Variants in DNM3 observed in about 807,000 individuals in gnomAD.
The protein encoded by DNM3 is dynamin-3.
Under a neutral mutation model 101.6 loss-of-function variants are expected in DNM3, and 47 were observed. The ratio of observed to expected loss-of-function variants is 0.46; its 90% CI spans 0.37 to 0.59. DNM3 has a LOEUF of 0.59. Ranked by LOEUF, DNM3 falls within the 20% of genes least tolerant of loss-of-function variation. The pLI is 0.00. For synonymous variants in DNM3, 385 were observed against 387.9 expected (o/e 0.99, Z 0.09); for missense variants, 849 against 1,085.7 (o/e 0.78, Z 3.06).
chr1:172,277,303 G>A (rs550435154), intron 15 of DNM3, among the ~76,000 whole-genome samples: 3 of 152,124 alleles, frequency 2.0e-5, no homozygotes, highest in Admixed American at 6.6e-5. Context: ...TGCAGATCAG[G>A]CTCACTTGGG....
rs1340433296 is a variant in DNM3 at position 172,248,127 on chromosome 1, A to T, written c.1660-5446A>T. ...TATATTGGATTACCACAGTACATTT[A>T]TGTGTTAAAGGTTTGTATGAATCAA... On this transcript the variant is annotated intron_variant, in intron 14 of 20. Coordinates refer to ENST00000627582, the MANE Select transcript of DNM3 (RefSeq NM_015569.5). Among the ~76,000 whole-genome samples, 68 of 152,060 alleles carry T rather than the reference A, an allele frequency of 4.5e-4. 1 individual carries two copies. Among genetic ancestry groups the T allele is most frequent in the Non-Finnish European group, 4.4e-5 (3 of 68,012 alleles).
At chr1:172,349,567 G>A (rs946930358) in intron 17 of DNM3, among the ~76,000 whole-genome samples, 3 of 152,080 alleles carry the variant, frequency 2.0e-5, no homozygotes, top group Non-Finnish European at 4.4e-5. Context: ...TTTAGCATAT[G>A]TTAATAAGAA....
chr1:171,916,705 G>T (rs1289750256), intron 1 of DNM3, among the ~76,000 whole-genome samples: 1 of 152,102 alleles, frequency 6.6e-6, no homozygotes, highest in African/African-American at 2.4e-5. Flanking sequence ...AATCCCCAGT[G>T]ATTATTCTGA....
At chr1:171,951,164 A>T (rs1177551688) in intron 2 of DNM3, among the ~76,000 whole-genome samples, 2 of 152,218 alleles carry the variant, frequency 1.3e-5, no homozygotes, top group Non-Finnish European at 2.9e-5. Context: ...TACTTCAAAT[A>T]ATAAAACCTG....
chr1:172,302,362 G>A (rs2064504593), intron 15 of DNM3, among the ~76,000 whole-genome samples: 1 of 152,226 alleles, frequency 6.6e-6, no homozygotes. Context: ...AAACAGAGCA[G>A]CTGGGAAGCT....
At position 172,410,407 on chromosome 1, in the gene DNM3, G is replaced by A. The variant is rs915508217; in HGVS notation, c.*2566G>A. On this transcript the variant is annotated 3_prime_UTR_variant, in exon 21 of 21. Coordinates refer to ENST00000627582, the MANE Select transcript of DNM3 (RefSeq NM_015569.5). ...TTGCTCTGATATTGTAAACACAATA[G>A]ATGTAGCTCTATCATGTCTAGCATA... The A allele has an allele frequency of 2.0e-6, 2 of 984,224 alleles. No homozygotes were observed. The highest frequency in any genetic ancestry group is 2.4e-6 in the Non-Finnish European group (2 of 828,954). 61.0% of individuals were successfully genotyped at this position (984,224 alleles called of 1,614,324 possible). A position where few individuals can be genotyped will look rare whatever the true frequency, so the allele number is the denominator to read the frequency against.
intron 14 of DNM3, among the ~76,000 whole-genome samples, chr1:172,159,311 C>T (rs1290885720): frequency 6.6e-6 from 1 of 151,908 alleles, no homozygotes; most frequent in Non-Finnish European, 1.5e-5. Flanking sequence ...GTATTATCTT[C>T]AGAAAAAGCA....
chr1:172,366,051 A>C (rs569124601), intron 17 of DNM3, among the ~76,000 whole-genome samples: 1 of 151,778 alleles, frequency 6.6e-6, no homozygotes, highest in Non-Finnish European at 1.5e-5. Context: ...GCAACATCAC[A>C]AGACCTTGTC....
intron 1 of DNM3, among the ~76,000 whole-genome samples, chr1:171,878,365 A>T (rs2035963086): frequency 6.9e-6 from 1 of 144,934 alleles, no homozygotes; most frequent in African/African-American, 2.6e-5. Context: ...GACAGAAAAT[A>T]TTAAAATTCC....
At chr1:172,177,410 A>G (rs1364818587) in intron 14 of DNM3, among the ~76,000 whole-genome samples, 1 of 151,880 alleles carries the variant, frequency 6.6e-6, no homozygotes, top group African/African-American at 2.4e-5. Flanking sequence ...GTATGGGAAA[A>G]AAGACATGGT....
At position 172,388,755 on chromosome 1, in the gene DNM3, G is replaced by C. The variant is rs748440636; in HGVS notation, c.2468G>C (p.Gly823Ala). 2.2e-5 allele frequency: 35 copies of C among 1,610,110 alleles called. No individual in the cohort carries two copies. The highest frequency in any genetic ancestry group is 3.0e-5 in the Non-Finnish European group (35 of 1,178,222). ...PPFPSSSDSFGAPPQVPSRPT... is the reference protein window; with the variant it reads ...PPFPSSSDSFAAPPQVPSRPT... Reference sequence around the variant, plus strand: ...TTCCCCAGCAGCAGTGACTCCTTCGGAGCCCCTCCACAAGTTCCATCTAGG... The same window carrying C: ...TTCCCCAGCAGCAGTGACTCCTTCGCAGCCCCTCCACAAGTTCCATCTAGG... The change falls in exon 20 of 21, where the codon GGA becomes GCA. Residue 823 changes from glycine (G) to alanine (A), a missense_variant. Transcript: ENST00000627582.
intron 14 of DNM3, among the ~76,000 whole-genome samples, chr1:172,145,319 T>G (rs2057822875): frequency 6.6e-6 from 1 of 150,432 alleles, no homozygotes; most frequent in African/African-American, 2.5e-5. Flanking sequence ...TCTGTCTGTC[T>G]GTCTGTCTCT....
chr1:172,015,951 G>A (rs553478563), intron 4 of DNM3, among the ~76,000 whole-genome samples: 1 of 151,948 alleles, frequency 6.6e-6, no homozygotes, highest in Admixed American at 6.6e-5. Flanking sequence ...CAAGGTGGGT[G>A]GATCACCTGA....
chr1:172,112,594 A>G (rs1411579784), intron 13 of DNM3, among the ~76,000 whole-genome samples: 2 of 152,134 alleles, frequency 1.3e-5, no homozygotes, highest in African/African-American at 4.8e-5. Flanking sequence ...AACATAACCA[A>G]TTCCTGAATG....
chr1:171,884,606 A>G (rs1435621242), intron 1 of DNM3, among the ~76,000 whole-genome samples: 1 of 152,178 alleles, frequency 6.6e-6, no homozygotes, highest in Non-Finnish European at 1.5e-5. Flanking sequence ...GTCTGGGCTC[A>G]GTAGGGCTCA....
intron 1 of DNM3, among the ~76,000 whole-genome samples, chr1:171,873,236 T>C (rs546235771): frequency 1.3e-5 from 2 of 152,044 alleles, no homozygotes; most frequent in Non-Finnish European, 2.9e-5. Flanking sequence ...TGTTGAAGAG[T>C]TCCTTTAGTG....
At chr1:172,337,995 C>T (rs2066522552) in intron 17 of DNM3, among the ~76,000 whole-genome samples, 1 of 151,306 alleles carries the variant, frequency 6.6e-6, no homozygotes, top group Non-Finnish European at 1.5e-5. Flanking sequence ...TGGCTCACTG[C>T]AACCTCCACC....
downstream of DNM3, among the ~76,000 whole-genome samples, chr1:172,416,792 AACACCAGGGAT>A (rs1558116378): frequency 6.6e-6 from 1 of 152,150 alleles, no homozygotes; most frequent in African/African-American, 2.4e-5. Context: ...TCTTCATGAA[AACACCAGGGAT>A]ACCCATTACC....
intron 13 of DNM3, among the ~76,000 whole-genome samples, chr1:172,095,743 A>G (rs2054202831): frequency 6.6e-6 from 1 of 152,174 alleles, no homozygotes; most frequent in East Asian, 1.9e-4. Context: ...CTGTTCTGAA[A>G]TATTTTAGAA....
Sources: gnomAD v4.1 joint callset for allele counts (sites outside exome capture counted in the v4.1 genomes callset) on GRCh38, gnomAD v4.1.1 for gene constraint, MANE v1.5 for transcripts, NCBI Gene and HGNC (gene_info 2026-07-23, HGNC 2026-07-21) for gene names.